RBMS3: variants seen among roughly 807,000 people sequenced by gnomAD.
RBMS3 encodes RNA-binding motif, single-stranded-interacting protein 3.
Under a neutral mutation model 66.8 loss-of-function variants are expected in RBMS3, and 27 were observed. The observed-to-expected ratio is 0.40, with a 90% CI of 0.30 to 0.56. The LOEUF is 0.56. Among genes scored for constraint, RBMS3 ranks in the 20% least tolerant of loss-of-function variants. The pLI is 0.40. For missense variants in RBMS3, 513 were observed against 549.5 expected (o/e 0.93, Z 0.66); for synonymous variants, 188 against 183.0 (o/e 1.03, Z -0.22).
intron 1 of RBMS3, among the ~76,000 whole-genome samples, chr3:29,346,210 C>T (rs572178912): frequency 6.6e-6 from 1 of 152,128 alleles, no homozygotes; most frequent in South Asian, 2.1e-4. Flanking sequence ...ATACAAGTAC[C>T]CCAAATTACC....
chr3:29,396,614 TTAGA>T (rs1575704515), intron 1 of RBMS3, among the ~76,000 whole-genome samples: 1 of 152,156 alleles, frequency 6.6e-6, no homozygotes, highest in African/African-American at 2.4e-5. Flanking sequence ...AAAAATGTTT[TTAGA>T]TAGTTAGATG....
At chr3:29,589,067 T>A (rs186385919) in intron 4 of RBMS3, among the ~76,000 whole-genome samples, 136 of 152,170 alleles carry the variant, frequency 8.9e-4, no homozygotes, top group Non-Finnish European at 1.8e-3. Flanking sequence ...CCTCAGAATA[T>A]GTATAGTTAG....
chr3:29,771,254 T>C (rs1347167897), intron 6 of RBMS3, among the ~76,000 whole-genome samples: 3 of 152,050 alleles, frequency 2.0e-5, no homozygotes, highest in Admixed American at 1.3e-4. Flanking sequence ...TTGGCATGCT[T>C]ATGAAGGTTC....
chr3:29,318,839 A>G (rs1005892634), intron 1 of RBMS3, among the ~76,000 whole-genome samples: 1 of 151,910 alleles, frequency 6.6e-6, no homozygotes, highest in African/African-American at 2.4e-5. Flanking sequence ...CAATTTTATT[A>G]GTGCTATAAT....
At chr3:29,419,655 T>C (rs2040622112) in intron 1 of RBMS3, among the ~76,000 whole-genome samples, 1 of 152,248 alleles carries the variant, frequency 6.6e-6, no homozygotes, top group Admixed American at 6.5e-5. Flanking sequence ...TATAATGAGC[T>C]GTAATTCTAG....
At chr3:29,760,197 C>T (rs1051547997) in intron 5 of RBMS3, among the ~76,000 whole-genome samples, 2 of 151,710 alleles carry the variant, frequency 1.3e-5, no homozygotes, top group African/African-American at 4.8e-5. Flanking sequence ...GGGTTAGCCA[C>T]TTGATTTTCT....
intron 3 of RBMS3, among the ~76,000 whole-genome samples, chr3:29,497,162 A>G (rs2043784001): frequency 6.6e-6 from 1 of 151,730 alleles, no homozygotes; most frequent in African/African-American, 2.4e-5. Flanking sequence ...GGCGCATTCT[A>G]CCATGCCTGG....
intron 4 of RBMS3, among the ~76,000 whole-genome samples, chr3:29,692,999 A>G (rs28515911): frequency 0.044 from 6,766 of 152,258 alleles, 175 homozygotes; most frequent in Admixed American, 0.073. Context: ...ATCCTGATTT[A>G]TGTGTCTAGA....
chr3:29,447,697 A>G (rs1214857869), intron 2 of RBMS3, among the ~76,000 whole-genome samples: 1 of 152,226 alleles, frequency 6.6e-6, no homozygotes, highest in Non-Finnish European at 1.5e-5. Context: ...ACTGAAGTTA[A>G]TTTGCTCCCA....
intron 3 of RBMS3, chr3:29,556,236 G>A (rs2046358191): frequency 6.6e-6 from 1 of 152,150 alleles, no homozygotes; most frequent in Admixed American, 6.5e-5. Context: ...GTCAAGGCAG[G>A]AGTTAACTAC....
chr3:29,483,874 C>T (rs543388755), intron 2 of RBMS3, among the ~76,000 whole-genome samples: 3 of 152,104 alleles, frequency 2.0e-5, no homozygotes, highest in South Asian at 4.2e-4. Flanking sequence ...GGTATTAGCC[C>T]GAAATAGTAT....
At chr3:29,515,995 G>A (rs1455142546) in intron 3 of RBMS3, among the ~76,000 whole-genome samples, 1 of 152,182 alleles carries the variant, frequency 6.6e-6, no homozygotes, top group Non-Finnish European at 1.5e-5. Flanking sequence ...ATTGATATTG[G>A]AATTGTTTAT....
At chr3:29,896,290 C>T (rs972021746) in intron 8 of RBMS3, among the ~76,000 whole-genome samples, 4 of 151,192 alleles carry the variant, frequency 2.6e-5, no homozygotes, top group African/African-American at 9.7e-5. Flanking sequence ...TCATGAAAAT[C>T]TCTATTTAAA....
At chr3:29,520,747 T>C (rs1485743569) in intron 3 of RBMS3, among the ~76,000 whole-genome samples, 1 of 152,314 alleles carries the variant, frequency 6.6e-6, no homozygotes, top group Non-Finnish European at 1.5e-5. Context: ...GCTGATTTCT[T>C]TGTGATATTA....
chr3:29,960,755 C>G (rs1380336481), intron 12 of RBMS3, among the ~76,000 whole-genome samples: 2 of 152,156 alleles, frequency 1.3e-5, no homozygotes, highest in African/African-American at 2.4e-5. Flanking sequence ...GGGGCTTGCA[C>G]TCTCTGAAGC....
chr3:29,870,925 G>A lies in RBMS3; in HGVS notation c.744+1961G>A, dbSNP rs117870136. ...TATGCTTATCAAATTTTTTGGTTTG[G>A]GGATGCACATATTAATTTGTACACT... On this transcript the variant is annotated intron_variant, in intron 7 of 14. Transcript: ENST00000383767. Among the ~76,000 whole-genome samples, 19 of 152,044 alleles carry A rather than the reference G, an allele frequency of 1.2e-4. No individual in the cohort carries two copies. In the East Asian group the frequency reaches 3.7e-3, roughly 29 times the overall value.
At chr3:29,352,983 G>C (rs1230127509) in intron 1 of RBMS3, among the ~76,000 whole-genome samples, 2 of 149,132 alleles carry the variant, frequency 1.3e-5, no homozygotes, top group African/African-American at 5.0e-5. Context: ...TTATGTTTTT[G>C]CTTGCTATTG....
In RBMS3 at chr3:29,936,176, T is replaced by C; in HGVS notation, c.1030T>C (p.Ser344Pro). Reference sequence around the variant, plus strand: ...ACTGACACAGCAGATGAATCACCTTTCGTTGGGCACAACAGGAACGGTGAG... The same window carrying C: ...ACTGACACAGCAGATGAATCACCTTCCGTTGGGCACAACAGGAACGGTGAG... ...GPLTQQMNHL[S>P]LGTTGTIQSQ... The change falls in exon 11 of 15, where the codon TCG becomes CCG. Residue 344 changes from serine (S) to proline (P), a missense_variant. By Grantham distance (74) the Ser-to-Pro change is moderately conservative. Coordinates refer to ENST00000383767, the MANE Select transcript of RBMS3 (RefSeq NM_001003793.3). 6.2e-7 allele frequency: 1 copy of C among 1,613,038 alleles called. No homozygotes were observed. Among genetic ancestry groups the C allele is most frequent in the Non-Finnish European group, 8.5e-7 (1 of 1,179,426 alleles).
intron 6 of RBMS3, among the ~76,000 whole-genome samples, chr3:29,763,780 A>C (rs1213435396): frequency 6.6e-6 from 1 of 152,094 alleles, no homozygotes; most frequent in Non-Finnish European, 1.5e-5. Flanking sequence ...ATATAATTCC[A>C]ATATAAAAAA....
Sources: gnomAD v4.1 joint callset for allele counts (sites outside exome capture counted in the v4.1 genomes callset) on GRCh38, gnomAD v4.1.1 for gene constraint, MANE v1.5 for transcripts, NCBI Gene and HGNC (gene_info 2026-07-23, HGNC 2026-07-21) for gene names.